Variants in PHACTR2 observed in about 807,000 individuals in gnomAD.
PHACTR2 encodes phosphatase and actin regulator 2, also known as chromosome 6 open reading frame 56.
PHACTR2 carries 30 observed loss-of-function variants against 76.0 expected under a neutral mutation model. The ratio of observed to expected loss-of-function variants is 0.39; its 90% CI spans 0.30 to 0.54. The LOEUF (loss-of-function observed/expected upper bound fraction) is 0.54. PHACTR2 is among the 20% of genes least tolerant of loss of function. The pLI, the probability that PHACTR2 is intolerant of heterozygous loss-of-function variation, is 0.61. For missense variants in PHACTR2, 696 were observed against 781.1 expected, an observed-to-expected ratio of 0.89 and a Z score of 1.30; for synonymous variants, 292 against 292.5, an observed-to-expected ratio of 1.00 and a Z score of 0.02.
Position 143,733,469 on chromosome 6 carries a change from A to G in PHACTR2, c.215-15516A>G, listed in dbSNP as rs1778752535. On this transcript the variant is annotated intron_variant, in intron 2 of 12. Coordinates refer to ENST00000440869, the MANE Select transcript of PHACTR2 (RefSeq NM_001100164.2). This position sits in a 1 kb window ranked among gnomAD's most constrained non-coding sequence, Gnocchi z 4.0. ...TGATGGACCTTATCCCATCCTATAT[A>G]TGGAGCATTTGCAAGTGAATCTTTT... 6.6e-6 allele frequency among the ~76,000 whole-genome samples: 1 copy of G among 152,156 alleles called. No homozygotes were observed. Among genetic ancestry groups the G allele is most frequent in the Admixed American group, 6.5e-5 (1 of 15,280 alleles).
chr6:143,638,149 A>G (rs1776496227), intron 1 of PHACTR2, among the ~76,000 whole-genome samples: 2 of 152,254 alleles, frequency 1.3e-5, no homozygotes, highest in Non-Finnish European at 2.9e-5. Context: ...AACCACAAAT[A>G]CTAAGGTCTT....
In PHACTR2 at chr6:143,647,757, C is replaced by T. The variant is rs924683932; in HGVS notation, c.13+39435C>T. Among the ~76,000 whole-genome samples the T allele has an allele frequency of 5.3e-5, 8 of 152,126 alleles. No individual in the cohort carries two copies. Among genetic ancestry groups the T allele is most frequent in the African/African-American group, 1.9e-4 (8 of 41,410 alleles). ...CTGTACAGAAAGAACAGCAAGTGCA[C>T]AGCCCCCTGTGCTGGGAATAGGCTT... On this transcript the variant is annotated intron_variant, in intron 1 of 11. Coordinates refer to the PHACTR2 transcript ENST00000305766. This position sits in a 1 kb window ranked among gnomAD's most constrained non-coding sequence, Gnocchi z 4.2.
rs1778159334 is a variant in PHACTR2 at position 143,710,866 on chromosome 6, A to G, written c.47-1150A>G. On this transcript the variant is annotated intron_variant, in intron 1 of 12. Transcript: ENST00000440869. This position sits in a 1 kb window ranked among gnomAD's most constrained non-coding sequence, Gnocchi z 4.9. ...CCTCATATGCGTATCTACCAGCTGGATTCAACACTTAACATTTTGCTATAT... is the reference window on the plus strand; with the variant it reads ...CCTCATATGCGTATCTACCAGCTGGGTTCAACACTTAACATTTTGCTATAT... 6.6e-6 allele frequency among the ~76,000 whole-genome samples: 1 copy of G among 152,226 alleles called. No individual in the cohort carries two copies. The highest frequency in any genetic ancestry group is 2.4e-5 in the African/African-American group (1 of 41,462).
chr6:143,595,674 T>C lies in PHACTR2; in HGVS notation c.217+58467T>C, dbSNP rs1001282791. On this transcript the variant is annotated intron_variant, in intron 1 of 11. Transcript: ENST00000367584. The surrounding 1 kb of genome is among the most constrained non-coding windows in gnomAD (Gnocchi z 4.2). ...AATTTCAAGGGAACAGAGTCCTACA[T>C]TAGTTCCAGTACCCAGCCCTCTTTC... 1.4e-4 allele frequency among the ~76,000 whole-genome samples: 21 copies of C among 152,184 alleles called. No homozygotes were observed. Among genetic ancestry groups the C allele is most frequent in the African/African-American group, 4.3e-4 (18 of 41,450 alleles).
At chr6:143,694,229 A>G (rs530229071) in intron 1 of PHACTR2, among the ~76,000 whole-genome samples, 1 of 151,762 alleles carries the variant, frequency 6.6e-6, no homozygotes, top group African/African-American at 2.4e-5. Context: ...AGGAGGAAGG[A>G]AAAAAGGAAG....
Position 143,635,138 on chromosome 6 carries a change from C to G in PHACTR2, c.13+26816C>G, listed in dbSNP as rs1023873143. Among the ~76,000 whole-genome samples the G allele has an allele frequency of 7.7e-4, 117 of 152,252 alleles. 1 individual carries two copies. Among genetic ancestry groups the G allele is most frequent in the African/African-American group, 2.7e-3 (113 of 41,544 alleles). Reference sequence around the variant, plus strand: ...TGTTACTTTATCTCCATTAGTATATCTTTTCTTTTTAAAACCCAAATTAGA... The same window carrying G: ...TGTTACTTTATCTCCATTAGTATATGTTTTCTTTTTAAAACCCAAATTAGA... On this transcript the variant is annotated intron_variant, in intron 1 of 11. Transcript: ENST00000305766.
intron 12 of PHACTR2, among the ~76,000 whole-genome samples, chr6:143,812,417 G>A (rs899326830): frequency 1.3e-5 from 2 of 152,194 alleles, no homozygotes; most frequent in South Asian, 4.1e-4. Flanking sequence ...TGACTAATGT[G>A]TTGGCACTAA....
At position 143,680,323 on chromosome 6, in the gene PHACTR2, A is replaced by G. The variant is rs1396996139; in HGVS notation, c.46+2114A>G. Among the ~76,000 whole-genome samples, 1 of 152,148 alleles carries G rather than the reference A, an allele frequency of 6.6e-6. No homozygotes were observed. Among genetic ancestry groups the G allele is most frequent in the Non-Finnish European group, 1.5e-5 (1 of 68,008 alleles). ...GAAGATCCTTGTTCTGTTTGATCTT[A>G]GCCATTGACTAGTTGTTTAAGTCTG... On this transcript the variant is annotated intron_variant, in intron 1 of 12. Transcript: ENST00000440869. This position sits in a 1 kb window ranked among gnomAD's most constrained non-coding sequence, Gnocchi z 4.5.
Position 143,621,188 on chromosome 6 carries a change from G to A in PHACTR2, c.13+12866G>A, listed in dbSNP as rs79701869. Reference sequence around the variant, plus strand: ...GATTGGAGGATTGGGTAGGGAATGTGGACAGATTATAGGGAGAGACCAAGG... The same window carrying A: ...GATTGGAGGATTGGGTAGGGAATGTAGACAGATTATAGGGAGAGACCAAGG... On this transcript the variant is annotated intron_variant, in intron 1 of 11. Coordinates refer to the PHACTR2 transcript ENST00000305766. This position sits in a 1 kb window ranked among gnomAD's most constrained non-coding sequence, Gnocchi z 4.1. Among the ~76,000 whole-genome samples the A allele has an allele frequency of 6.6e-3, 1,001 of 152,272 alleles. 23 individuals are homozygous for A. In the East Asian group the frequency reaches 0.091, roughly 14 times the overall value.
chr6:143,732,651 C>G (rs1778725638), intron 2 of PHACTR2, among the ~76,000 whole-genome samples: 1 of 151,982 alleles, frequency 6.6e-6, no homozygotes, highest in Non-Finnish European at 1.5e-5. Flanking sequence ...GGTTATATAC[C>G]TAGAAATGGA....
intron 4 of PHACTR2, among the ~76,000 whole-genome samples, chr6:143,759,628 G>GA (rs35602024): frequency 0.027 from 2,971 of 108,480 alleles, 110 homozygotes; most frequent in African/African-American, 0.093. Flanking sequence ...GACCCTATCT[G>GA]AAAAAAAAAA....
intron 1 of PHACTR2, among the ~76,000 whole-genome samples, chr6:143,702,829 A>G (rs1161060177): frequency 2.3e-5 from 3 of 128,974 alleles, no homozygotes; most frequent in Non-Finnish European, 1.6e-5. Flanking sequence ...TCTACCTTTA[A>G]TCTTGCTTCG....
upstream of PHACTR2, among the ~76,000 whole-genome samples, chr6:143,607,558 T>C (rs746282767): frequency 3.4e-5 from 5 of 148,718 alleles, no homozygotes; most frequent in African/African-American, 1.2e-4. Context: ...GAATTATTAG[T>C]GACATTCGGT....
chr6:143,577,057 GGTT>G (rs1000122655), intron 1 of PHACTR2, among the ~76,000 whole-genome samples: 4 of 152,022 alleles, frequency 2.6e-5, no homozygotes, highest in African/African-American at 9.6e-5. Flanking sequence ...ATATTTTGGG[GGTT>G]GTTATTTACC....
intron 2 of PHACTR2, among the ~76,000 whole-genome samples, chr6:143,716,884 G>T (rs1387212633): frequency 6.6e-6 from 1 of 152,200 alleles, no homozygotes; most frequent in Non-Finnish European, 1.5e-5. Context: ...GGCCCAACAT[G>T]TGTGGATCTG....
Position 143,802,647 on chromosome 6 carries a change from CAA to C in PHACTR2, c.1846-4394_1846-4393del, listed in dbSNP as rs55737411. 1.8e-4 allele frequency among the ~76,000 whole-genome samples: 16 copies of C among 90,138 alleles called. 1 individual carries two copies. The highest frequency in any genetic ancestry group is 2.6e-4 in the Non-Finnish European group (12 of 46,858). The allele number at this position is 90,138 out of a possible 152,430, so 59.1% of individuals were successfully genotyped here. ...TGGGTGACAGAACAAGACCCTGTCTCAAAAAAAAAAAAAAAAATCAGTCCTAA... is the reference window on the plus strand; with the variant it reads ...TGGGTGACAGAACAAGACCCTGTCTCAAAAAAAAAAAAAAATCAGTCCTAA... On this transcript the variant is annotated intron_variant, in intron 11 of 12. Transcript: ENST00000440869.
At chr6:143,668,430 A>T (rs1197878741) in intron 1 of PHACTR2, among the ~76,000 whole-genome samples, 4 of 152,100 alleles carry the variant, frequency 2.6e-5, no homozygotes, top group Admixed American at 6.5e-5. Flanking sequence ...TATTGTTTGG[A>T]ATAATTTCAT....
At position 143,772,288 on chromosome 6, in the gene PHACTR2, A is replaced by G. The variant is rs1380257016; in HGVS notation, c.1263A>G (p.Thr421=). 4.3e-6 allele frequency: 7 copies of G among 1,613,652 alleles called. No homozygotes were observed. Among genetic ancestry groups the G allele is most frequent in the African/African-American group, 4.0e-5 (3 of 74,896 alleles). Residue 421 remains threonine, a synonymous_variant, in exon 7 of 13, where the codon ACA becomes ACG. Coordinates refer to ENST00000440869, the MANE Select transcript of PHACTR2 (RefSeq NM_001100164.2). This position sits in a 1 kb window ranked among gnomAD's most constrained non-coding sequence, Gnocchi z 5.4. ...CFTTKEELGK[T]VPQLLTPGLM... ...CAACCAAAGAGGAGCTGGGGAAGAC[A>G]GTGCCTCAGCTACTGACTCCTGGGC...
At chr6:143,729,255 A>G (rs1267107610) in intron 2 of PHACTR2, among the ~76,000 whole-genome samples, 1 of 152,064 alleles carries the variant, frequency 6.6e-6, no homozygotes, top group Non-Finnish European at 1.5e-5. Flanking sequence ...TCTTTGTTGT[A>G]TATGTGATTT....
Sources: gnomAD v4.1 joint callset for allele counts (sites outside exome capture counted in the v4.1 genomes callset) on GRCh38, gnomAD v4.1.1 for gene constraint, Gnocchi (gnomAD v3.1) non-coding constraint, MANE v1.5 for transcripts, NCBI Gene and HGNC (gene_info 2026-07-23, HGNC 2026-07-21) for gene names.